The following NDUFAF6 variants were observed in gnomAD, a reference collection of about 807,000 sequenced individuals.
The protein encoded by NDUFAF6 is NADH dehydrogenase (ubiquinone) complex I, assembly factor 6.
NDUFAF6 carries 45 observed loss-of-function variants against 40.8 expected under a neutral mutation model. The ratio of observed to expected loss-of-function variants is 1.10; its 90% CI spans 0.87 to 1.42. The LOEUF (loss-of-function observed/expected upper bound fraction) is 1.42. Among genes scored for constraint, NDUFAF6 ranks in the 40% most tolerant of loss-of-function variants. The probability of loss-of-function intolerance (pLI) is 0.00; values close to 1 mark genes in which losing one functional copy is unlikely to be tolerated. For missense variants in NDUFAF6, 435 were observed against 418.5 expected (o/e 1.04, Z -0.34); for synonymous variants, 185 against 155.9 (o/e 1.19, Z -1.39).
At chr8:94,966,422 C>T (rs1824017610) in intron 1 of NDUFAF6, among the ~76,000 whole-genome samples, 1 of 152,136 alleles carries the variant, frequency 6.6e-6, no homozygotes, top group South Asian at 2.1e-4. Context: ...GGTGAAACTT[C>T]ATCTCTACAC....
intron 1 of NDUFAF6, among the ~76,000 whole-genome samples, chr8:94,971,106 C>T (rs940194954): frequency 3.3e-5 from 5 of 152,228 alleles, no homozygotes; most frequent in African/African-American, 1.2e-4. Flanking sequence ...AATCAAGCCT[C>T]AAAAGCTATA....
intron 1 of NDUFAF6, among the ~76,000 whole-genome samples, chr8:94,914,919 G>A (rs1416626266): frequency 6.6e-6 from 1 of 151,872 alleles, no homozygotes; most frequent in Non-Finnish European, 1.5e-5. Context: ...TTTTATTATT[G>A]CTATTTATTT....
upstream of NDUFAF6, chr8:95,023,447 G>A (rs1004166659): frequency 3.9e-5 from 6 of 152,300 alleles, no homozygotes; most frequent in African/African-American, 1.4e-4. Context: ...AGTGGCCAGA[G>A]TTGAGGCAGA....
At chr8:95,027,880 G>A (rs895268430) in intron 1 of NDUFAF6, among the ~76,000 whole-genome samples, 13 of 152,106 alleles carry the variant, frequency 8.5e-5, no homozygotes, top group African/African-American at 1.7e-4. Context: ...CCATAACTTC[G>A]GGTTCACCAT....
intron 2 of NDUFAF6, among the ~76,000 whole-genome samples, chr8:95,007,205 A>G (rs1211651779): frequency 6.6e-6 from 1 of 151,862 alleles, no homozygotes; most frequent in Non-Finnish European, 1.5e-5. Context: ...CTTTTTTTTG[A>G]GGCTGCTTGT....
chr8:95,107,369 AAC>A (rs1809870517), downstream of NDUFAF6, among the ~76,000 whole-genome samples: 2 of 152,226 alleles, frequency 1.3e-5, no homozygotes, highest in African/African-American at 4.8e-5. Context: ...TCAGCAAGCT[AAC>A]ACAAGAACAG....
intron 2 of NDUFAF6, among the ~76,000 whole-genome samples, chr8:95,000,739 C>G (rs1204296827): frequency 6.6e-6 from 1 of 151,774 alleles, no homozygotes; most frequent in Admixed American, 6.6e-5. Flanking sequence ...AGCTGGAGAC[C>G]AGCCTGGCCA....
chr8:95,093,747 C>T (rs1051566191), intron 2 of NDUFAF6, among the ~76,000 whole-genome samples: 1 of 152,162 alleles, frequency 6.6e-6, no homozygotes, highest in Non-Finnish European at 1.5e-5. Flanking sequence ...TTCCTTAGGT[C>T]AACAGTTGGG....
chr8:95,080,251 T>C (rs1808784595), downstream of NDUFAF6, among the ~76,000 whole-genome samples: 1 of 151,992 alleles, frequency 6.6e-6, no homozygotes, highest in Admixed American at 6.5e-5. Context: ...TTTTGTAGTG[T>C]ATTTTTTGTA....
intron 8 of NDUFAF6, among the ~76,000 whole-genome samples, chr8:95,056,968 A>G (rs1163314392): frequency 6.6e-6 from 1 of 152,014 alleles, no homozygotes; most frequent in Non-Finnish European, 1.5e-5. Flanking sequence ...ATAAAAGTAT[A>G]GGAAAAAAAA....
intron 1 of NDUFAF6, among the ~76,000 whole-genome samples, chr8:94,925,212 C>G (rs1258222211): frequency 6.6e-6 from 1 of 152,238 alleles, no homozygotes; most frequent in Admixed American, 6.5e-5. Flanking sequence ...GAATGCTGAT[C>G]TGCCCCAAAC....
At chr8:94,990,564 C>T (rs1265941392) in intron 2 of NDUFAF6, among the ~76,000 whole-genome samples, 1 of 152,208 alleles carries the variant, frequency 6.6e-6, no homozygotes, top group African/African-American at 2.4e-5. Context: ...TAACTGGAAC[C>T]CCTCTGAAGG....
chr8:95,064,006 G>A (rs1832635206), intron 9 of NDUFAF6, among the ~76,000 whole-genome samples: 1 of 150,500 alleles, frequency 6.6e-6, no homozygotes, highest in Non-Finnish European at 1.5e-5. Context: ...TGAGTAGCTG[G>A]GACTACACGT....
At chr8:95,064,254 A>G (rs916971461) in intron 9 of NDUFAF6, among the ~76,000 whole-genome samples, 1 of 152,026 alleles carries the variant, frequency 6.6e-6, no homozygotes, top group African/African-American at 2.4e-5. Flanking sequence ...AAGTTAATCA[A>G]CATAAAGACG....
intron 2 of NDUFAF6, among the ~76,000 whole-genome samples, chr8:94,992,705 A>T (rs1826249194): frequency 6.6e-6 from 1 of 152,156 alleles, no homozygotes; most frequent in African/African-American, 2.4e-5. Context: ...ATATCTAAAG[A>T]TCTATTCCCA....
chr8:95,009,124 C>T (rs779705719), intron 2 of NDUFAF6, among the ~76,000 whole-genome samples: 1 of 151,414 alleles, frequency 6.6e-6, no homozygotes, highest in Non-Finnish European at 1.5e-5. Flanking sequence ...TGCTTGTGCT[C>T]AGGGGGTTGA....
chr8:95,035,493 C>G lies in NDUFAF6; in HGVS notation c.337C>G (p.Arg113Gly). 1 of 1,612,916 alleles carries G rather than the reference C, an allele frequency of 6.2e-7. No homozygotes were observed. Residue 113 changes from arginine (R) to glycine (G), a missense_variant, in exon 3 of 9, where the codon CGA (arginine) becomes GGA (glycine). Transcript: ENST00000396124. The part of the protein sequence containing the change: ...SVSEKTIGLM[R>G]MQFWKKTVED... ...CTCTGAGAAAACAATTGGACTGATG[C>G]GAATGCAGTTTTGGAAAAAAACTGT...
intron 1 of NDUFAF6, among the ~76,000 whole-genome samples, chr8:95,027,126 A>G (rs1436588872): frequency 1.3e-5 from 2 of 152,174 alleles, no homozygotes; most frequent in Non-Finnish European, 2.9e-5. Context: ...TCAAGTATAT[A>G]TACTGTATTT....
intron 9 of NDUFAF6, among the ~76,000 whole-genome samples, chr8:95,069,794 A>T (rs1001375014): frequency 2.1e-5 from 3 of 144,870 alleles, no homozygotes; most frequent in Non-Finnish European, 4.5e-5. Flanking sequence ...AAAAAAAAAA[A>T]TTATATATAT....
Sources: allele counts gnomAD v4.1 joint callset (sites outside exome capture counted in the v4.1 genomes callset), GRCh38; gene constraint gnomAD v4.1.1; transcripts MANE v1.5; gene names NCBI Gene and HGNC (gene_info 2026-07-23, HGNC 2026-07-21).